The following RALGPS1 variants were observed in gnomAD, a reference collection of about 807,000 sequenced individuals.
RALGPS1 encodes ras-specific guanine nucleotide-releasing factor RalGPS1.
RALGPS1 carries 19 observed loss-of-function variants against 78.8 expected under a neutral mutation model. The observed-to-expected ratio is 0.24, with a 90% confidence interval of 0.17 to 0.35. RALGPS1 has a LOEUF of 0.35. Among genes scored for constraint, RALGPS1 ranks in the 10% least tolerant of loss-of-function variants. RALGPS1 has a pLI of 1.00. For missense variants in RALGPS1, 454 were observed against 688.3 expected (o/e 0.66, Z 3.81); for synonymous variants, 228 against 256.3 (o/e 0.89, Z 1.06).
At chr9:127,119,742 G>A (rs2055847445) in intron 8 of RALGPS1, among the ~76,000 whole-genome samples, 1 of 152,298 alleles carries the variant, frequency 6.6e-6, no homozygotes, top group Non-Finnish European at 1.5e-5. Flanking sequence ...GTCCCCTGCT[G>A]GACCATGTGC....
chr9:127,108,418 G>C, intron 8 of RALGPS1: 2 of 1,607,948 alleles, frequency 1.2e-6, no homozygotes, highest in Non-Finnish European at 1.7e-6. Flanking sequence ...CTGCTGCAGC[G>C]TCTCGATCTG....
At chr9:126,952,969 A>T (rs933266613) in intron 1 of RALGPS1, among the ~76,000 whole-genome samples, 1 of 152,136 alleles carries the variant, frequency 6.6e-6, no homozygotes, top group South Asian at 2.1e-4. Flanking sequence ...GGAAGAAATC[A>T]CTTTCTTGTA....
At chr9:126,934,196 T>C (rs2036054917) in intron 1 of RALGPS1, among the ~76,000 whole-genome samples, 2 of 126,032 alleles carry the variant, frequency 1.6e-5, no homozygotes, top group Non-Finnish European at 3.9e-5. Context: ...AATAATAGAT[T>C]GAAGTCAGAC....
At chr9:126,939,411 A>G (rs2036550004) in intron 1 of RALGPS1, among the ~76,000 whole-genome samples, 1 of 152,212 alleles carries the variant, frequency 6.6e-6, no homozygotes, top group Admixed American at 6.5e-5. Flanking sequence ...GTATTTGAAC[A>G]TGTATCCCAT....
chr9:127,012,975 C>T (rs1021707564), intron 4 of RALGPS1, among the ~76,000 whole-genome samples: 2 of 152,134 alleles, frequency 1.3e-5, no homozygotes, highest in African/African-American at 4.8e-5. Context: ...ACAAGGGTCT[C>T]ACTAAAGAGG....
chr9:127,107,902 C>T, intron 8 of RALGPS1: 1 of 1,522,072 alleles, frequency 6.6e-7, no homozygotes. Context: ...AACACGATCC[C>T]AGAAGCACTT....
intron 7 of RALGPS1, among the ~76,000 whole-genome samples, chr9:127,059,202 C>T (rs999812978): frequency 6.6e-6 from 1 of 152,146 alleles, no homozygotes; most frequent in African/African-American, 2.4e-5. Flanking sequence ...GATGCAGTGC[C>T]TCAGTAGCCA....
intron 8 of RALGPS1, chr9:127,079,871 A>T (rs2051013257): frequency 6.6e-6 from 1 of 152,196 alleles, no homozygotes; most frequent in Non-Finnish European, 1.5e-5. Flanking sequence ...TTTCAGAATA[A>T]TTTGTCACAC....
intron 8 of RALGPS1, among the ~76,000 whole-genome samples, chr9:127,134,649 G>C (rs1054842521): frequency 6.6e-6 from 1 of 152,154 alleles, no homozygotes; most frequent in Non-Finnish European, 1.5e-5. Flanking sequence ...TACAGAGCAA[G>C]GTCTTGCTCC....
chr9:127,123,119 G>C (rs2056315485), intron 8 of RALGPS1, among the ~76,000 whole-genome samples: 2 of 152,216 alleles, frequency 1.3e-5, no homozygotes, highest in Admixed American at 6.5e-5. Flanking sequence ...GGGCGGGGCA[G>C]CTCAGCCCAG....
chr9:127,029,706 A>T (rs2046256377), intron 4 of RALGPS1, among the ~76,000 whole-genome samples: 1 of 152,206 alleles, frequency 6.6e-6, no homozygotes. Flanking sequence ...CTGTGGCCCG[A>T]TGGCCTAGAT....
intron 11 of RALGPS1, among the ~76,000 whole-genome samples, chr9:127,179,650 G>T (rs1346814499): frequency 3.9e-5 from 6 of 152,210 alleles, no homozygotes; most frequent in Non-Finnish European, 8.8e-5. Context: ...GCCCAGCAAG[G>T]CAAGAACCTT....
intron 8 of RALGPS1, among the ~76,000 whole-genome samples, chr9:127,103,045 G>T (rs1050327362): frequency 6.6e-6 from 1 of 152,186 alleles, no homozygotes; most frequent in African/African-American, 2.4e-5. Context: ...TCTCTGCAGT[G>T]CTTGGGCCTG....
At chr9:127,164,504 G>T (rs1160196661) in intron 8 of RALGPS1, among the ~76,000 whole-genome samples, 2 of 150,042 alleles carry the variant, frequency 1.3e-5, no homozygotes, top group East Asian at 3.9e-4. Context: ...CAAAGTGCTG[G>T]GATTACAGGC....
chr9:126,962,428 C>T (rs1183346252), intron 2 of RALGPS1, 82 bp downstream of exon 2: 10 of 1,408,702 alleles, frequency 7.1e-6, no homozygotes, highest in East Asian at 7.0e-5. Flanking sequence ...CCTTGGACAG[C>T]GAGGCAGTAG....
intron 14 of RALGPS1, among the ~76,000 whole-genome samples, chr9:127,209,670 C>G (rs2062129368): frequency 6.6e-6 from 1 of 152,110 alleles, no homozygotes; most frequent in South Asian, 2.1e-4. Context: ...TCCCACCAGC[C>G]CTGAAATTGG....
At chr9:127,084,194 T>C (rs890106538) in intron 8 of RALGPS1, among the ~76,000 whole-genome samples, 3 of 152,140 alleles carry the variant, frequency 2.0e-5, no homozygotes, top group African/African-American at 7.2e-5. Context: ...CCCAAAGTTC[T>C]GGGAGGCGTG....
intron 4 of RALGPS1, among the ~76,000 whole-genome samples, chr9:127,017,751 ATTTTTTCTTTTTCAAC>A (rs1214315790): frequency 6.6e-6 from 1 of 151,886 alleles, no homozygotes; most frequent in African/African-American, 2.4e-5. Context: ...TTTTAAAATT[ATTTTTTCTTTTTCAAC>A]TTTTTTCATT....
At chr9:127,204,037 A>G (rs1410350667) in intron 14 of RALGPS1, among the ~76,000 whole-genome samples, 2 of 152,170 alleles carry the variant, frequency 1.3e-5, no homozygotes, top group African/African-American at 4.8e-5. Flanking sequence ...AGTTAGGACC[A>G]CTGATCCTCC....
Sources: allele counts gnomAD v4.1 joint callset (sites outside exome capture counted in the v4.1 genomes callset), GRCh38; gene constraint gnomAD v4.1.1; transcripts MANE v1.5; gene names NCBI Gene and HGNC (gene_info 2026-07-23, HGNC 2026-07-21).